The following TLE3 variants were observed in gnomAD, a reference collection of about 807,000 sequenced individuals.
TLE3 encodes the protein transducin-like enhancer protein 3.
Under a neutral mutation model 93.0 loss-of-function variants are expected in TLE3, and 14 were observed. The observed-to-expected ratio is 0.15, with a 90% CI of 0.10 to 0.24. The LOEUF (loss-of-function observed/expected upper bound fraction) is 0.24, where lower values mean the gene tolerates loss of function less well. Ranked by LOEUF, TLE3 falls within the 10% of genes least tolerant of loss-of-function variation. TLE3 has a pLI of 1.00. For missense variants in TLE3, 693 were observed against 1,046.6 expected (o/e 0.66, Z 4.66); for synonymous variants, 451 against 425.0 (o/e 1.06, Z -0.75).
In TLE3 at chr15:70,058,047, G is replaced by GAGAC; in HGVS notation, c.1051+108_1051+111dup. ...TGAAGTCCCCAGGGGCAGGCCCTGGGAGACACTGCCTGTGCTCTATCCCAT... is the reference window on the plus strand; with the variant it reads ...TGAAGTCCCCAGGGGCAGGCCCTGGGAGACAGACACTGCCTGTGCTCTATCCCAT... On this transcript the variant is annotated intron_variant, in intron 12 of 19. Transcript: ENST00000451782. This position sits in a 1 kb window ranked among gnomAD's most constrained non-coding sequence, Gnocchi z 4.1. The GAGAC allele has an allele frequency of 6.6e-7, 1 of 1,511,652 alleles. No homozygotes were observed. Among genetic ancestry groups the GAGAC allele is most frequent in the African/African-American group, 1.4e-5 (1 of 72,358 alleles). 93.6% of individuals were successfully genotyped at this position (1,511,652 alleles called of 1,614,324 possible).
intron 13 of TLE3, among the ~76,000 whole-genome samples, chr15:70,057,016 G>C (rs145274286): frequency 6.6e-6 from 1 of 152,362 alleles, no homozygotes; most frequent in East Asian, 1.9e-4. Context: ...GCCTCCCAAA[G>C]TGCTGGGATT....
intron 4 of TLE3, among the ~76,000 whole-genome samples, chr15:70,080,063 G>A (rs1243633035): frequency 4.2e-5 from 6 of 144,012 alleles, no homozygotes; most frequent in African/African-American, 5.2e-5. Context: ...TCCAAAAAAG[G>A]AAAAAAAAAA....
chr15:70,052,967 G>GTGTAGAT, intron 17 of TLE3: 1 of 448,622 alleles, frequency 2.2e-6, no homozygotes, highest in Non-Finnish European at 4.0e-6. Flanking sequence ...GAATGAGGAC[G>GTGTAGAT]CCGAGGACAA....
rs895533813 is a variant in TLE3 at position 70,058,433 on chromosome 15, C to T, written c.919-142G>A. ...TGCCGAACAGCCTCTCAATCCTTGC[C>T]CAACCTTGTTTGGCAGGGACTGGGG... On this transcript the variant is annotated intron_variant, in intron 11 of 19. Transcript: ENST00000451782. This position sits in a 1 kb window ranked among gnomAD's most constrained non-coding sequence, Gnocchi z 4.1. 4.2e-6 allele frequency: 6 copies of T among 1,427,168 alleles called. No individual in the cohort carries two copies. Among genetic ancestry groups the T allele is most frequent in the Non-Finnish European group, 5.7e-6 (6 of 1,057,110 alleles). The allele number at this position is 1,427,168 out of a possible 1,614,324, so 88.4% of individuals were successfully genotyped here.
Position 70,049,829 on chromosome 15 carries a change from A to C in TLE3, c.*268T>G. On this transcript the variant is annotated 3_prime_UTR_variant, in exon 20 of 20. Transcript: ENST00000451782. ...GGGGGAACCGGAGCCATAAGCCTCC[A>C]ATAAATCTATTTGTAGCAACTGCCA... The C allele has an allele frequency of 2.7e-6, 1 of 367,396 alleles. No homozygotes were observed. Among genetic ancestry groups the C allele is most frequent in the Non-Finnish European group, 5.1e-6 (1 of 195,608 alleles). The allele number at this position is 367,396 out of a possible 1,614,324, so 22.8% of individuals were successfully genotyped here.
intron 8 of TLE3, among the ~76,000 whole-genome samples, chr15:70,062,206 C>T (rs908550314): frequency 1.3e-5 from 2 of 152,258 alleles, no homozygotes; most frequent in Non-Finnish European, 2.9e-5. Flanking sequence ...ACCTTCCCCA[C>T]AGCCGTGCAG....
At chr15:70,095,688 T>C in intron 2 of TLE3, 47 bp from the exon 3 acceptor site, 2 of 1,547,008 alleles carry the variant, frequency 1.3e-6, no homozygotes, top group Non-Finnish European at 1.7e-6. Flanking sequence ...CTGGACAGCC[T>C]CCTCTGAGGC....
chr15:70,097,493 C>A lies in TLE3; in HGVS notation c.-695G>T. The A allele has an allele frequency of 2.4e-6, 1 of 408,966 alleles. No homozygotes were observed. Among genetic ancestry groups the A allele is most frequent in the Non-Finnish European group, 4.3e-6 (1 of 232,728 alleles). The allele number at this position is 408,966 out of a possible 1,614,324, so 25.3% of individuals were successfully genotyped here. A position where few individuals can be genotyped will look rare whatever the true frequency, so the allele number is the denominator to read the frequency against. ...CGCCGCTGCAAGCCCTTCCCAGGGC[C>A]GGGGAGGAACTCCGGGCTCAGTAGG... On this transcript the variant is annotated 5_prime_UTR_variant, in exon 1 of 20. Coordinates refer to ENST00000451782, the MANE Select transcript of TLE3 (RefSeq NM_001105192.3).
chr15:70,054,875 G>GA, intron 15 of TLE3, 174 bp downstream of exon 15: 2 of 1,232,934 alleles, frequency 1.6e-6, no homozygotes, highest in East Asian at 5.1e-5. Context: ...CAGGAGGTCA[G>GA]AATCAGCCCC....
chr15:70,065,983 C>CCCCCCCCCCCCAG, intron 7 of TLE3, 31 bp downstream of exon 7: 2 of 1,466,180 alleles, frequency 1.4e-6, no homozygotes, highest in East Asian at 2.3e-5. Flanking sequence ...ACCCCTGCCC[C>CCCCCCCCCCCCAG]GCCCCACCCT....
intron 12 of TLE3, chr15:70,057,956 G>T: frequency 2.3e-6 from 2 of 879,246 alleles, no homozygotes; most frequent in Non-Finnish European, 3.4e-6. Context: ...CCCGTCTGAT[G>T]CTGCTTTCAT....
At chr15:70,053,493 C>A (rs551030644) in intron 16 of TLE3, 119 bp from the exon 17 acceptor site, 4 of 1,184,696 alleles carry the variant, frequency 3.4e-6, no homozygotes, top group Non-Finnish European at 3.5e-6. Context: ...GTGCACTATG[C>A]GCATGGTCCC....
chr15:70,079,300 C>G (rs555452143), intron 4 of TLE3: 3 of 472,062 alleles, frequency 6.4e-6, no homozygotes. Context: ...CCATGTTCGA[C>G]GAAGAGAGGC....
At position 70,048,143 on chromosome 15, in the gene TLE3, G is replaced by GA. The variant is rs1390042081; in HGVS notation, c.*1953_*1954insT. ...AACAGTGGCCTGGCTGTTTTCCCGG[G>GA]GGGCGGGGGGCGGGACTGGCAAACT... On this transcript the variant is annotated 3_prime_UTR_variant, in exon 20 of 20. Transcript: ENST00000451782. 7.8e-6 allele frequency: 1 copy of GA among 128,066 alleles called. No individual in the cohort carries two copies. The highest frequency in any genetic ancestry group is 1.6e-5 in the Non-Finnish European group (1 of 61,470). The allele number at this position is 128,066 out of a possible 1,614,324, so 7.9% of individuals were successfully genotyped here.
intron 4 of TLE3, among the ~76,000 whole-genome samples, chr15:70,083,768 T>C (rs1435520221): frequency 6.6e-6 from 1 of 151,572 alleles, no homozygotes; most frequent in Admixed American, 6.6e-5. Context: ...TTTGGGGGTC[T>C]CCCCCCATCA....
intron 4 of TLE3, among the ~76,000 whole-genome samples, chr15:70,082,115 C>T (rs1452746673): frequency 6.6e-6 from 1 of 152,164 alleles, no homozygotes; most frequent in African/African-American, 2.4e-5. Context: ...TCCCAGCAGC[C>T]AGGCGCCAAT....
intron 6 of TLE3, 29 bp from the exon 7 acceptor site, chr15:70,066,247 T>C: frequency 6.8e-7 from 1 of 1,479,752 alleles, no homozygotes; most frequent in Non-Finnish European, 9.0e-7. Flanking sequence ...TGAGTACAGC[T>C]GAGTTGGGGA....
chr15:70,060,035 C>T (rs568473660), intron 9 of TLE3, among the ~76,000 whole-genome samples: 1 of 152,364 alleles, frequency 6.6e-6, no homozygotes, highest in South Asian at 2.1e-4. Context: ...CAGCCCTGCA[C>T]AGCCTGACAC....
At chr15:70,065,032 C>T (rs143996473) in intron 7 of TLE3, among the ~76,000 whole-genome samples, 2,483 of 152,254 alleles carry the variant, frequency 0.016, 47 homozygotes, top group Non-Finnish European at 0.021. Flanking sequence ...CAGCTAAGCA[C>T]TAGCTCCCCA....
Sources: allele counts gnomAD v4.1 joint callset (sites outside exome capture counted in the v4.1 genomes callset), GRCh38; gene constraint gnomAD v4.1.1; non-coding constraint Gnocchi (gnomAD v3.1); transcripts MANE v1.5; gene names NCBI Gene and HGNC (gene_info 2026-07-23, HGNC 2026-07-21).